GAB4: variants seen among roughly 807,000 people sequenced by gnomAD.
GAB4 encodes GRB2-associated-binding protein 4.
A neutral mutation model predicts 51.3 loss-of-function variants in GAB4; 26 were observed. That is an observed-to-expected ratio of 0.51 (90% CI 0.37 to 0.70). The LOEUF (loss-of-function observed/expected upper bound fraction) is 0.70, where lower values mean the gene tolerates loss of function less well. Ranked by LOEUF, GAB4 falls within the 30% of genes least tolerant of loss-of-function variation. The pLI is 0.00. For missense variants in GAB4, 759 were observed against 734.6 expected, an observed-to-expected ratio of 1.03 and a Z score of -0.38; for synonymous variants, 329 against 291.2, an observed-to-expected ratio of 1.13 and a Z score of -1.32.
At chr22:17,007,894 C>G (rs2061054703) in intron 1 of GAB4, 47 bp downstream of exon 1, 1 of 1,518,174 alleles carries the variant, frequency 6.6e-7, no homozygotes, top group African/African-American at 1.4e-5. Context: ...CCGGAGTCCC[C>G]AGACCCTCCG....
chr22:16,978,790 C>T (rs2060802780), intron 3 of GAB4, among the ~76,000 whole-genome samples: 2 of 152,304 alleles, frequency 1.3e-5, no homozygotes, highest in South Asian at 4.1e-4. Flanking sequence ...CAATAAAATA[C>T]TGGCAAATTG....
At chr22:17,006,050 A>G (rs1202508276) in intron 1 of GAB4, among the ~76,000 whole-genome samples, 1 of 152,262 alleles carries the variant, frequency 6.6e-6, no homozygotes, top group East Asian at 1.9e-4. Flanking sequence ...GAGCTTCTGC[A>G]TAGCAAAAGA....
intron 4 of GAB4, among the ~76,000 whole-genome samples, chr22:16,968,999 G>A (rs1364606978): frequency 6.6e-6 from 1 of 152,176 alleles, no homozygotes; most frequent in Non-Finnish European, 1.5e-5. Context: ...CTCATAACAG[G>A]AAGAATAAAC....
intron 1 of GAB4, among the ~76,000 whole-genome samples, chr22:16,995,164 T>C (rs1176536783): frequency 1.3e-5 from 2 of 152,118 alleles, no homozygotes; most frequent in Non-Finnish European, 2.9e-5. Context: ...CTCACCAATA[T>C]TGCTTTACGT....
intron 3 of GAB4, among the ~76,000 whole-genome samples, chr22:16,983,561 A>C (rs1410143854): frequency 2.0e-5 from 3 of 152,226 alleles, no homozygotes; most frequent in African/African-American, 7.2e-5. Context: ...ATATACTACA[A>C]AGCTATAACC....
At chr22:16,986,594 G>A (rs1365604646) in intron 3 of GAB4, among the ~76,000 whole-genome samples, 1 of 152,176 alleles carries the variant, frequency 6.6e-6, no homozygotes, top group Non-Finnish European at 1.5e-5. Context: ...CAGAAAAGTG[G>A]CAGAACCTCA....
chr22:16,984,608 T>TG (rs1569102429), intron 3 of GAB4, among the ~76,000 whole-genome samples: 2 of 152,212 alleles, frequency 1.3e-5, no homozygotes, highest in Non-Finnish European at 2.9e-5. Flanking sequence ...CCATAATCCT[T>TG]GGGAGAATGT....
intron 8 of GAB4, among the ~76,000 whole-genome samples, 176 bp downstream of exon 8, chr22:16,964,590 A>G (rs1020195819): frequency 1.3e-5 from 2 of 152,102 alleles, no homozygotes; most frequent in Non-Finnish European, 2.9e-5. Context: ...TCATCTTCCT[A>G]ACCCTAATGA....
In GAB4 at chr22:16,966,283, G is replaced by A. The variant is rs146770232; in HGVS notation, c.1105C>T (p.Leu369=). Residue 369 remains leucine (L), a synonymous_variant, in exon 6 of 10, where the codon CTG becomes TTG. Transcript: ENST00000400588. ...CVPMNPGSPT[L]PAVKQAGDDS... ...TCGCCTGCTTGCTTCACAGCCGGCA[G>A]GGTAGGGGAGCCTGGGTTCATGGGC... 294 of 1,613,912 alleles carry A rather than the reference G, an allele frequency of 1.8e-4. No individual in the cohort carries two copies. In the Middle Eastern group the frequency reaches 3.3e-3, roughly 18 times the overall value.
At chr22:16,993,494 T>C (rs542976352) in intron 1 of GAB4, among the ~76,000 whole-genome samples, 6 of 152,204 alleles carry the variant, frequency 3.9e-5, no homozygotes, top group Admixed American at 3.9e-4. Flanking sequence ...CCCCTGTTAT[T>C]TTCCCCCTTA....
chr22:16,994,840 C>G (rs1286515994), intron 1 of GAB4, among the ~76,000 whole-genome samples: 1 of 152,186 alleles, frequency 6.6e-6, no homozygotes, highest in Non-Finnish European at 1.5e-5. Context: ...GTCATACGCA[C>G]AGACATCCTT....
At chr22:16,978,506 A>C (rs1208504387) in intron 3 of GAB4, among the ~76,000 whole-genome samples, 1 of 152,154 alleles carries the variant, frequency 6.6e-6, no homozygotes, top group African/African-American at 2.4e-5. Flanking sequence ...CCTGAATAGG[A>C]CAATAACAAG....
intron 5 of GAB4, chr22:16,966,590 G>C: frequency 1.8e-6 from 1 of 549,836 alleles, no homozygotes; most frequent in South Asian, 2.5e-5. Context: ...TCAGGGGTCA[G>C]ACTTTGGAGC....
chr22:17,001,935 A>G (rs4819937), intron 1 of GAB4, among the ~76,000 whole-genome samples: 123,156 of 152,176 alleles, frequency 0.81, 50,511 homozygotes, highest in African/African-American at 0.95. Context: ...AGTGAGCGAG[A>G]CTCCATGGGC....
At chr22:16,989,068 A>T (rs552314731) in intron 2 of GAB4, among the ~76,000 whole-genome samples, 9 of 152,298 alleles carry the variant, frequency 5.9e-5, no homozygotes, top group African/African-American at 2.2e-4. Flanking sequence ...CGGGTTTTTG[A>T]GAACCGCTAC....
chr22:16,969,489 C>T (rs2060711227), intron 4 of GAB4: 1 of 465,886 alleles, frequency 2.1e-6, no homozygotes, highest in Non-Finnish European at 3.7e-6. Context: ...ATGAACTTGA[C>T]TATCAGTGAC....
chr22:16,991,681 G>A (rs560824776), intron 2 of GAB4, among the ~76,000 whole-genome samples, 192 bp downstream of exon 2: 3 of 152,326 alleles, frequency 2.0e-5, no homozygotes, highest in Middle Eastern at 3.4e-3. Context: ...AGAGCTCAGG[G>A]AAGGGGGAGA....
chr22:16,966,019 C>T, intron 6 of GAB4, 81 bp downstream of exon 6: 2 of 1,345,502 alleles, frequency 1.5e-6, no homozygotes, highest in Non-Finnish European at 2.1e-6. Flanking sequence ...GTCAGACGTT[C>T]CACATCCAGG....
intron 9 of GAB4, 72 bp downstream of exon 9, chr22:16,963,653 G>A (rs1349394930): frequency 1.1e-5 from 12 of 1,093,414 alleles, no homozygotes; most frequent in African/African-American, 4.7e-5. Flanking sequence ...TGCCGGTGCT[G>A]AAGGGCCTGG....
Sources: gnomAD v4.1 joint callset for allele counts (sites outside exome capture counted in the v4.1 genomes callset) on GRCh38, gnomAD v4.1.1 for gene constraint, MANE v1.5 for transcripts, NCBI Gene and HGNC (gene_info 2026-07-23, HGNC 2026-07-21) for gene names.